POMK: variants seen among roughly 807,000 people sequenced by gnomAD.
POMK encodes the protein Sugen kinase 196.
In POMK, 19 loss-of-function variants were observed where a neutral mutation model predicts 23.0. The ratio of observed to expected loss-of-function variants is 0.83; its 90% confidence interval spans 0.58 to 1.21. The LOEUF is 1.21. POMK is among the 50% of genes most tolerant of loss of function. The probability of loss-of-function intolerance (pLI) is 0.00; values close to 1 mark genes in which losing one functional copy is unlikely to be tolerated. For missense variants in POMK, 410 were observed against 431.3 expected (o/e 0.95, Z 0.44); for synonymous variants, 173 against 171.6 (o/e 1.01, Z -0.06).
At chr8:43,093,998 C>T (rs1411413298) in intron 1 of POMK, among the ~76,000 whole-genome samples, 2 of 152,250 alleles carry the variant, frequency 1.3e-5, no homozygotes, top group Non-Finnish European at 2.9e-5. Context: ...AATGCTTGAA[C>T]CCGGCGGGGG....
intron 2 of POMK, among the ~76,000 whole-genome samples, chr8:43,100,907 A>T (rs1327236211): frequency 6.6e-6 from 1 of 151,970 alleles, no homozygotes; most frequent in African/African-American, 2.4e-5. Flanking sequence ...GGGCAGCCGG[A>T]TGGTTTAAGG....
chr8:43,093,839 C>T (rs1331170134), intron 1 of POMK, among the ~76,000 whole-genome samples: 1 of 152,244 alleles, frequency 6.6e-6, no homozygotes, highest in African/African-American at 2.4e-5. Context: ...AATCCCAGCG[C>T]TTTGGGAGGC....
chr8:43,111,027 C>T (rs887765291), intron 4 of POMK, among the ~76,000 whole-genome samples: 28 of 152,182 alleles, frequency 1.8e-4, no homozygotes, highest in Non-Finnish European at 5.9e-5. Flanking sequence ...TCTGCATTTC[C>T]AACTGAGGTA....
rs1221471764 is a variant in POMK, at chr8:43,106,509, CTTTTTTT to C, written c.282+2693_282+2699del. On this transcript the variant is annotated intron_variant, in intron 4 of 4. Coordinates refer to ENST00000331373, the MANE Select transcript of POMK (RefSeq NM_032237.5). ...TTATAATCCCATTGGTTTACTTTTG[CTTTTTTT>C]TTTTTTTTTTTTTGACTGAGTCTTG... Among the ~76,000 whole-genome samples, 251 of 115,198 alleles carry C rather than the reference CTTTTTTT, an allele frequency of 2.2e-3. 1 individual carries two copies. Among genetic ancestry groups the C allele is most frequent in the Middle Eastern group, 9.9e-3 (2 of 202 alleles). 75.6% of individuals were successfully genotyped at this position (115,198 alleles called of 152,430 possible). A position where few individuals can be genotyped will look rare whatever the true frequency, so the allele number is the denominator to read the frequency against.
At chr8:43,102,195 T>C (rs573598409) in intron 2 of POMK, among the ~76,000 whole-genome samples, 1 of 152,328 alleles carries the variant, frequency 6.6e-6, no homozygotes, top group African/African-American at 2.4e-5. Context: ...CATGCTGGTG[T>C]AATTCACTGT....
rs562423300 is a variant in POMK at position 43,095,894 on chromosome 8, C to T, written c.-209-1630C>T. On this transcript the variant is annotated intron_variant, in intron 1 of 4. Coordinates refer to ENST00000331373, the MANE Select transcript of POMK (RefSeq NM_032237.5). ...GGGTTGGAGGGTTGAAAGGATTTAT[C>T]GCAGGGTTTGAGCTGGGAAACTTGG... Among the ~76,000 whole-genome samples the T allele has an allele frequency of 4.6e-5, 7 of 152,220 alleles. No homozygotes were observed. The East Asian group carries it at 1.4e-3, about 29-fold the overall frequency.
chr8:43,100,875 A>C (rs1197384487), intron 2 of POMK, among the ~76,000 whole-genome samples: 1 of 152,006 alleles, frequency 6.6e-6, no homozygotes, highest in Admixed American at 6.6e-5. Context: ...TGTGTCCCTG[A>C]GCACGAGGAC....
intron 4 of POMK, among the ~76,000 whole-genome samples, chr8:43,109,035 A>G (rs1811597456): frequency 6.6e-6 from 1 of 152,252 alleles, no homozygotes; most frequent in African/African-American, 2.4e-5. Context: ...TCTATTTGAC[A>G]GTGTTTCCTG....
In POMK at chr8:43,112,771, G is replaced by A. The variant is rs558675705; in HGVS notation, c.282+8941G>A. On this transcript the variant is annotated intron_variant, in intron 4 of 4. Transcript: ENST00000331373. Reference sequence around the variant, plus strand: ...TGGGGGCCAATATTCAACATTCTTAGAGAAAAGAATTTTCAACCCAGAATT... The same window carrying A: ...TGGGGGCCAATATTCAACATTCTTAAAGAAAAGAATTTTCAACCCAGAATT... Among the ~76,000 whole-genome samples the A allele has an allele frequency of 4.0e-5, 6 of 151,846 alleles. No homozygotes were observed. The East Asian group carries it at 5.8e-4, about 15-fold the overall frequency.
intron 1 of POMK, among the ~76,000 whole-genome samples, chr8:43,095,061 G>A (rs529140182): frequency 1.3e-5 from 2 of 152,328 alleles, no homozygotes; most frequent in South Asian, 4.1e-4. Context: ...GTGGGCTGAA[G>A]TCTTCTTTAA....
intron 4 of POMK, among the ~76,000 whole-genome samples, chr8:43,107,047 G>A (rs1390302118): frequency 6.6e-6 from 1 of 152,146 alleles, no homozygotes; most frequent in African/African-American, 2.4e-5. Flanking sequence ...AAAGGCAGTA[G>A]TATCTTTATA....
intron 4 of POMK, among the ~76,000 whole-genome samples, chr8:43,107,628 C>T (rs956331815): frequency 6.6e-6 from 1 of 151,846 alleles, no homozygotes; most frequent in Non-Finnish European, 1.5e-5. Context: ...CTGCCTTGGT[C>T]TCCCAAAGTG....
intron 4 of POMK, among the ~76,000 whole-genome samples, chr8:43,112,029 C>T (rs201092940): frequency 3.5e-4 from 52 of 149,484 alleles, no homozygotes; most frequent in African/African-American, 5.4e-4. Context: ...TCCAAAGGAA[C>T]GCAGCTCCTC....
rs772424671 is a variant in POMK, at chr8:43,103,567, A to G, written c.19A>G (p.Asn7Asp). The G allele has an allele frequency of 1.2e-6, 2 of 1,614,130 alleles. No individual in the cohort carries two copies. The highest frequency in any genetic ancestry group is 4.5e-5 in the East Asian group (2 of 44,870). Residue 7 changes from asparagine (N) to aspartate (D), a missense_variant, in exon 4 of 5, where the codon AAC (asparagine) becomes GAC (aspartate). Asn to Asp is a conservative substitution (Grantham distance 23). Transcript: ENST00000331373. ...CGTCAACATGGAAAAGCAGCCCCAG[A>G]ACAGCAGGAGAGGCCTCGCCCCCCG... MEKQPQ[N>D]SRRGLAPREV...
At chr8:43,094,982 C>T (rs1811303883) in intron 1 of POMK, among the ~76,000 whole-genome samples, 1 of 152,180 alleles carries the variant, frequency 6.6e-6, no homozygotes. Context: ...GCCACACAGC[C>T]TCATGCTATG....
chr8:43,098,243 C>T (rs754722123), intron 2 of POMK, among the ~76,000 whole-genome samples: 12 of 152,076 alleles, frequency 7.9e-5, no homozygotes, highest in African/African-American at 1.7e-4. Context: ...ACATTTTAGC[C>T]AAAAAGAGAC....
At chr8:43,098,306 C>T (rs1811374343) in intron 2 of POMK, among the ~76,000 whole-genome samples, 1 of 152,140 alleles carries the variant, frequency 6.6e-6, no homozygotes, top group South Asian at 2.1e-4. Context: ...CTCTGGGAGC[C>T]ACAAATCTAT....
chr8:43,120,537 C>T (rs976063450), intron 4 of POMK, among the ~76,000 whole-genome samples: 5 of 151,870 alleles, frequency 3.3e-5, no homozygotes, highest in African/African-American at 7.3e-5. Context: ...TTACTTTTAT[C>T]TGTTATAACT....
chr8:43,101,910 G>T (rs939739547), intron 2 of POMK, among the ~76,000 whole-genome samples: 1 of 152,148 alleles, frequency 6.6e-6, no homozygotes, highest in African/African-American at 2.4e-5. Context: ...TCCCAGCTCT[G>T]TATATGGGAG....
Sources: allele counts gnomAD v4.1 joint callset (sites outside exome capture counted in the v4.1 genomes callset), GRCh38; gene constraint gnomAD v4.1.1; transcripts MANE v1.5; gene names NCBI Gene and HGNC (gene_info 2026-07-23, HGNC 2026-07-21).